Variants in IRS2 observed in about 807,000 individuals in gnomAD.
IRS2 encodes insulin receptor substrate 2.
A neutral mutation model predicts 70.9 loss-of-function variants in IRS2; 28 were observed. The observed-to-expected ratio is 0.39, with a 90% CI of 0.29 to 0.54. The LOEUF (loss-of-function observed/expected upper bound fraction) is 0.54. IRS2 is among the 20% of genes least tolerant of loss of function. The pLI is 0.59. For missense variants in IRS2, 2,081 were observed against 2,024.1 expected, an observed-to-expected ratio of 1.03 and a Z score of -0.54; for synonymous variants, 1,217 against 981.9, an observed-to-expected ratio of 1.24 and a Z score of -4.48.
chr13:109,783,214 G>C lies in IRS2; in HGVS notation c.2840C>G (p.Ser947Trp). 11 of 1,429,284 alleles carry C rather than the reference G, an allele frequency of 7.7e-6. No individual in the cohort carries two copies. Among genetic ancestry groups the C allele is most frequent in the Non-Finnish European group, 1.0e-5 (11 of 1,095,174 alleles). 88.5% of individuals were successfully genotyped at this position (1,429,284 alleles called of 1,614,324 possible). A position where few individuals can be genotyped will look rare whatever the true frequency, so the allele number is the denominator to read the frequency against. The change falls in exon 1 of 2, where the codon TCG becomes TGG. Residue 947 changes from serine (S) to tryptophan (W), a missense_variant. Transcript: ENST00000375856. Reference protein sequence around the residue: ...PLLASAASSSSLLSASSPASS... With the variant: ...PLLASAASSSWLLSASSPASS... The stretch of plus-strand genomic sequence containing the variant: ...GGCCGGGCTGCTGGCGGACAAGAGC[G>C]AGGAGGACGAGGCCGCCGACGCCAG...
In IRS2 at chr13:109,783,411, C is replaced by T. The variant is rs1180937426; in HGVS notation, c.2643G>A (p.Leu881=). Residue 881 remains leucine, a synonymous_variant, in exon 1 of 2, where the codon TTG becomes TTA. Coordinates refer to ENST00000375856, the MANE Select transcript of IRS2 (RefSeq NM_003749.3). ...RPSGGRPEGF[L]GQRGRAVRPT... ...GCCTCACCGCCCGGCCGCGCTGGCC[C>T]AAGAAGCCCTCCGGGCGGCCGCCGC... 2.7e-6 allele frequency: 4 copies of T among 1,486,834 alleles called. No homozygotes were observed. The highest frequency in any genetic ancestry group is 3.5e-6 in the Non-Finnish European group (4 of 1,128,382). The allele number at this position is 1,486,834 out of a possible 1,614,324, so 92.1% of individuals were successfully genotyped here.
chr13:109,783,803 G>C lies in IRS2; in HGVS notation c.2251C>G (p.Leu751Val). The C allele has an allele frequency of 6.3e-7, 1 of 1,596,008 alleles. No homozygotes were observed. Among genetic ancestry groups the C allele is most frequent in the Middle Eastern group, 1.7e-4 (1 of 6,040 alleles). Residue 751 changes from leucine to valine, a missense_variant, in exon 1 of 2, where the codon CTG becomes GTG. Physicochemically the swap from Leu to Val is conservative, Grantham distance 32. Around this residue, in one of 4 missense-constraint regions of IRS2, gnomAD observed 1,615 missense variants for 1,459.5 expected, o/e 1.11. Transcript: ENST00000375856. ...TTGCCATCTGCATGCTCCATGGACA[G>C]CTTGGAACCGCACCACATGCGCATG... ...GYMRMWCGSK[L>V]SMEHADGKLL... is the part of the protein sequence containing the mutation.
At chr13:109,767,919 G>A (rs1281589236) in intron 1 of IRS2, among the ~76,000 whole-genome samples, 1 of 152,050 alleles carries the variant, frequency 6.6e-6, no homozygotes, top group Non-Finnish European at 1.5e-5. Context: ...TTTTAGTAGA[G>A]ATAGGGTTTC....
intron 1 of IRS2, among the ~76,000 whole-genome samples, chr13:109,779,156 T>C (rs1190504089): frequency 6.6e-6 from 1 of 152,236 alleles, no homozygotes; most frequent in East Asian, 1.9e-4. Flanking sequence ...ACGATTCTAT[T>C]GTAAACAAGT....
At chr13:109,772,814 G>A (rs1877485596) in intron 1 of IRS2, among the ~76,000 whole-genome samples, 1 of 151,086 alleles carries the variant, frequency 6.6e-6, no homozygotes, top group Non-Finnish European at 1.5e-5. Context: ...TCCTGCCTCA[G>A]CCTCCCGAGT....
At chr13:109,781,719 G>A (rs1877707286) in intron 1 of IRS2, among the ~76,000 whole-genome samples, 1 of 152,170 alleles carries the variant, frequency 6.6e-6, no homozygotes, top group African/African-American at 2.4e-5. Context: ...GGCCTCTAGT[G>A]TGGCCGGTCT....
Position 109,782,945 on chromosome 13 carries a change from C to T in IRS2, c.3109G>A (p.Ala1037Thr), listed in dbSNP as rs1877763033. The change falls in exon 1 of 2, where the codon GCC becomes ACC. Residue 1037 changes from alanine to threonine, a missense_variant. By Grantham distance (58) the Ala-to-Thr change is moderately conservative. This residue lies in a region of IRS2 where 1,615 missense variants were observed against 1,459.5 expected (regional missense o/e 1.11). Coordinates refer to ENST00000375856, the MANE Select transcript of IRS2 (RefSeq NM_003749.3). Reference sequence around the variant, plus strand: ...GGCAGGCGGTACAGCTCCCCCGGGGCCGGCGGCGGTGGCGGCGGCTGCAGA... The same window carrying T: ...GGCAGGCGGTACAGCTCCCCCGGGGTCGGCGGCGGTGGCGGCGGCTGCAGA... ...SSLQPPPPPP[A>T]PGELYRLPPA... 9 of 1,447,160 alleles carry T rather than the reference C, an allele frequency of 6.2e-6. No individual in the cohort carries two copies. The highest frequency in any genetic ancestry group is 1.4e-5 in the South Asian group (1 of 70,500). The allele number at this position is 1,447,160 out of a possible 1,614,324, so 89.6% of individuals were successfully genotyped here. A position where few individuals can be genotyped will look rare whatever the true frequency, so the allele number is the denominator to read the frequency against.
At position 109,756,191 on chromosome 13, in the gene IRS2, G is replaced by T; in HGVS notation, c.*113C>A. 1.1e-6 allele frequency: 1 copy of T among 917,220 alleles called. No individual in the cohort carries two copies. Among genetic ancestry groups the T allele is most frequent in the Non-Finnish European group, 1.8e-6 (1 of 552,022 alleles). 56.8% of individuals were successfully genotyped at this position (917,220 alleles called of 1,614,324 possible). A position where few individuals can be genotyped will look rare whatever the true frequency, so the allele number is the denominator to read the frequency against. ...ACAGATGTTTCCAAACACAGTCATTGCTCAGATCCAAAAGAAAACTGCAAG... is the reference window on the plus strand; with the variant it reads ...ACAGATGTTTCCAAACACAGTCATTTCTCAGATCCAAAAGAAAACTGCAAG... On this transcript the variant is annotated 3_prime_UTR_variant, in exon 2 of 2. Transcript: ENST00000375856.
chr13:109,752,960 C>CTTTTTTTTTT lies in IRS2; in HGVS notation c.*3334_*3343dup, dbSNP rs11397558. On this transcript the variant is annotated 3_prime_UTR_variant, in exon 2 of 2. Transcript: ENST00000375856. ...GTGTCATGGAGGCAGCATTCTTCTT[C>CTTTTTTTTTT]TTTTTTTTTTTTTTTTTTGAGACGG... 1 of 120,354 alleles carries CTTTTTTTTTT rather than the reference C, an allele frequency of 8.3e-6. No homozygotes were observed. The highest frequency in any genetic ancestry group is 2.7e-4 in the South Asian group (1 of 3,734). 7.5% of individuals were successfully genotyped at this position (120,354 alleles called of 1,614,324 possible).
Position 109,755,663 on chromosome 13 carries a change from TC to T in IRS2, c.*640del. The T allele has an allele frequency of 5.0e-6, 1 of 202,008 alleles. No individual in the cohort carries two copies. The highest frequency in any genetic ancestry group is 2.3e-5 in the African/African-American group (1 of 43,672). 12.5% of individuals were successfully genotyped at this position (202,008 alleles called of 1,614,324 possible). On this transcript the variant is annotated 3_prime_UTR_variant, in exon 2 of 2. Coordinates refer to ENST00000375856, the MANE Select transcript of IRS2 (RefSeq NM_003749.3). ...TTTCACTTCCATTGAGAAATGTCAG[TC>T]CCACACTGGGCTCGGTGTGGACGTA...
Position 109,755,309 on chromosome 13 carries a change from A to C in IRS2, c.*995T>G, listed in dbSNP as rs990544353. The C allele has an allele frequency of 2.6e-5, 6 of 227,584 alleles. No individual in the cohort carries two copies. The highest frequency in any genetic ancestry group is 4.3e-5 in the Non-Finnish European group (5 of 114,972). 14.1% of individuals were successfully genotyped at this position (227,584 alleles called of 1,614,324 possible). ...AAGATAATACGTTTTTTAAAAATCA[A>C]ATCTGCCAAACCCGGACCACCCTGG... On this transcript the variant is annotated 3_prime_UTR_variant, in exon 2 of 2. Transcript: ENST00000375856.
chr13:109,781,757 A>G (rs1413297060), intron 1 of IRS2, among the ~76,000 whole-genome samples: 2 of 152,182 alleles, frequency 1.3e-5, no homozygotes, highest in East Asian at 1.9e-4. Flanking sequence ...GTTAAGGGAC[A>G]GGGGGCTGTG....
chr13:109,759,636 C>G (rs1238948651), intron 1 of IRS2, among the ~76,000 whole-genome samples: 2 of 152,164 alleles, frequency 1.3e-5, no homozygotes, highest in Admixed American at 1.3e-4. Flanking sequence ...CAGAAGCCAT[C>G]TGCCTGAACT....
Position 109,754,100 on chromosome 13 carries a change from T to C in IRS2, c.*2204A>G, listed in dbSNP as rs971554097. 1 of 231,914 alleles carries C rather than the reference T, an allele frequency of 4.3e-6. No homozygotes were observed. Among genetic ancestry groups the C allele is most frequent in the East Asian group, 6.2e-5 (1 of 16,220 alleles). 14.4% of individuals were successfully genotyped at this position (231,914 alleles called of 1,614,324 possible). ...ACGTACCCAAAAAGAAAACACTGTT[T>C]AATAACTGTTAAAGTTTATATAGCA... On this transcript the variant is annotated 3_prime_UTR_variant, in exon 2 of 2. Coordinates refer to ENST00000375856, the MANE Select transcript of IRS2 (RefSeq NM_003749.3).
chr13:109,782,990 A>G lies in IRS2; in HGVS notation c.3064T>C (p.Ser1022Pro), dbSNP rs2138931368. 7.3e-7 allele frequency: 1 copy of G among 1,378,010 alleles called. No individual in the cohort carries two copies. The highest frequency in any genetic ancestry group is 9.3e-7 in the Non-Finnish European group (1 of 1,070,246). 85.4% of individuals were successfully genotyped at this position (1,378,010 alleles called of 1,614,324 possible). ...SPYPPLPPRPSASPSSSLQPP... is the reference protein window; with the variant it reads ...SPYPPLPPRPPASPSSSLQPP... ...TGCAGAGACGACGACGGGGACGCGGACGGACGCGGGGGCAACGGCGGATAC... is the reference window on the plus strand; with the variant it reads ...TGCAGAGACGACGACGGGGACGCGGGCGGACGCGGGGGCAACGGCGGATAC... The change falls in exon 1 of 2, where the codon TCC (serine) becomes CCC (proline). Residue 1022 changes from serine to proline, a missense_variant. Around this residue, in one of 4 missense-constraint regions of IRS2, gnomAD observed 1,615 missense variants for 1,459.5 expected, o/e 1.11. Coordinates refer to ENST00000375856, the MANE Select transcript of IRS2 (RefSeq NM_003749.3).
At chr13:109,774,949 A>G (rs1011207600) in intron 1 of IRS2, among the ~76,000 whole-genome samples, 2 of 152,128 alleles carry the variant, frequency 1.3e-5, no homozygotes, top group Non-Finnish European at 2.9e-5. Flanking sequence ...AGATTCTTTC[A>G]AAATCTTCAG....
chr13:109,775,182 G>A (rs973955635), intron 1 of IRS2, among the ~76,000 whole-genome samples: 3 of 144,166 alleles, frequency 2.1e-5, no homozygotes, highest in Non-Finnish European at 4.5e-5. Flanking sequence ...ACAGTGTCGC[G>A]ATCTCAGCTC....
chr13:109,767,194 C>T (rs768224696), intron 1 of IRS2, among the ~76,000 whole-genome samples: 9 of 152,156 alleles, frequency 5.9e-5, no homozygotes, highest in Non-Finnish European at 1.2e-4. Flanking sequence ...GGACAGGCCC[C>T]TTGCTCCTGC....
intron 1 of IRS2, among the ~76,000 whole-genome samples, chr13:109,758,422 A>G (rs1877153438): frequency 1.3e-5 from 2 of 152,240 alleles, no homozygotes; most frequent in East Asian, 3.8e-4. Flanking sequence ...GAAAACAGCT[A>G]AACTAGTAAG....
Sources: allele counts gnomAD v4.1 joint callset (sites outside exome capture counted in the v4.1 genomes callset), GRCh38; gene constraint gnomAD v4.1.1; regional missense constraint gnomAD v4.1.1; transcripts MANE v1.5; gene names NCBI Gene and HGNC (gene_info 2026-07-23, HGNC 2026-07-21).